The following VPS4A variants were observed in gnomAD, a reference collection of about 807,000 sequenced individuals.
VPS4A encodes the protein vacuolar protein sorting-associated protein 4A.
A neutral mutation model predicts 52.3 loss-of-function variants in VPS4A; 20 were observed. That is an observed-to-expected ratio of 0.38 (90% CI 0.27 to 0.56). VPS4A has a LOEUF of 0.56. Among genes scored for constraint, VPS4A ranks in the 20% least tolerant of loss-of-function variants. The probability of loss-of-function intolerance (pLI) is 0.72; values close to 1 mark genes in which losing one functional copy is unlikely to be tolerated. For synonymous variants in VPS4A, 293 were observed against 227.7 expected, an observed-to-expected ratio of 1.29 and a Z score of -2.58; for missense variants, 419 against 575.9, an observed-to-expected ratio of 0.73 and a Z score of 2.79.
chr16:69,323,487 G>C, intron 10 of VPS4A: 1 of 357,868 alleles, frequency 2.8e-6, no homozygotes, highest in South Asian at 2.1e-5. Flanking sequence ...GTAAAGTCAG[G>C]TCCAGATAAT....
At chr16:69,315,924 G>C in intron 1 of VPS4A, 84 bp from the exon 2 acceptor site, 1 of 1,180,268 alleles carries the variant, frequency 8.5e-7, no homozygotes, top group Admixed American at 2.0e-5. Context: ...GGCATCCCTC[G>C]TCACGTTTCA....
rs545377849 is a variant in VPS4A, at chr16:69,322,616, A to G, written c.1128A>G (p.Pro376=). Residue 376 remains proline, a synonymous_variant, in exon 10 of 11, where the codon CCA becomes CCG. Coordinates refer to ENST00000254950, the MANE Select transcript of VPS4A (RefSeq NM_013245.3). ...TGATGATTGATGACCTCCTGACTCC[A>G]TGCTCACCAGGGGACCCAGGAGCCA... ...PSMMIDDLLT[P]CSPGDPGAME... 2.5e-6 allele frequency: 4 copies of G among 1,613,870 alleles called. No individual in the cohort carries two copies. Among genetic ancestry groups the G allele is most frequent in the South Asian group, 2.2e-5 (2 of 91,076 alleles).
intron 3 of VPS4A, among the ~76,000 whole-genome samples, chr16:69,316,839 G>A (rs1211300806): frequency 2.6e-5 from 4 of 152,206 alleles, no homozygotes; most frequent in African/African-American, 4.8e-5. Context: ...CAGGTGGGGC[G>A]GCCGGCTCGG....
In VPS4A at chr16:69,319,798, G is replaced by A. The variant is rs148701391; in HGVS notation, c.620+255G>A. Reference sequence around the variant, plus strand: ...AGGATATTTTTGGGGTCTGGGTTGCGGTCCCTGTTGGGGCAGTGTGTGGGG... The same window carrying A: ...AGGATATTTTTGGGGTCTGGGTTGCAGTCCCTGTTGGGGCAGTGTGTGGGG... On this transcript the variant is annotated intron_variant, in intron 6 of 10. Transcript: ENST00000254950. Among the ~76,000 whole-genome samples, 54 of 152,318 alleles carry A rather than the reference G, an allele frequency of 3.5e-4. No homozygotes were observed. In the East Asian group the frequency reaches 5.8e-3, roughly 16 times the overall value.
At chr16:69,316,532 T>G (rs1376544827) in intron 3 of VPS4A, among the ~76,000 whole-genome samples, 160 bp downstream of exon 3, 3 of 152,122 alleles carry the variant, frequency 2.0e-5, no homozygotes, top group Non-Finnish European at 4.4e-5. Flanking sequence ...CCTGGAGCAC[T>G]TCCATGTTCA....
intron 10 of VPS4A, among the ~76,000 whole-genome samples, chr16:69,323,943 C>CAAAAAA (rs143292768): frequency 0.011 from 1,161 of 108,458 alleles, 66 homozygotes; most frequent in South Asian, 0.073. Context: ...GACTCCGTCT[C>CAAAAAA]CAAAAAAAAA....
At chr16:69,324,050 G>A (rs1965551541) in intron 10 of VPS4A, among the ~76,000 whole-genome samples, 158 bp from the exon 11 acceptor site, 2 of 152,146 alleles carry the variant, frequency 1.3e-5, no homozygotes, top group Non-Finnish European at 2.9e-5. Flanking sequence ...TGCCTCGAGA[G>A]GGAAGAGGGT....
At chr16:69,317,621 G>A (rs1965453810) in intron 3 of VPS4A, among the ~76,000 whole-genome samples, 1 of 152,096 alleles carries the variant, frequency 6.6e-6, no homozygotes, top group South Asian at 2.1e-4. Context: ...GTGAAACCCC[G>A]TCTCCACTAA....
At chr16:69,316,864 C>A (rs986262762) in intron 3 of VPS4A, among the ~76,000 whole-genome samples, 1 of 152,222 alleles carries the variant, frequency 6.6e-6, no homozygotes, top group Non-Finnish European at 1.5e-5. Flanking sequence ...GGAGCCCTGC[C>A]GAGGTGGCAC....
chr16:69,321,771 T>G lies in VPS4A; in HGVS notation c.1071+501T>G. 1 of 178,600 alleles carries G rather than the reference T, an allele frequency of 5.6e-6. No homozygotes were observed. The highest frequency in any genetic ancestry group is 1.5e-4 in the East Asian group (1 of 6,596). 11.1% of individuals were successfully genotyped at this position (178,600 alleles called of 1,614,324 possible). A position where few individuals can be genotyped will look rare whatever the true frequency, so the allele number is the denominator to read the frequency against. ...AGACAGTCAACACAGTCAGTGAGTG[T>G]CTCAGAGGATGGAGATGGAGCAGGG... On this transcript the variant is annotated intron_variant, in intron 9 of 10. Coordinates refer to ENST00000254950, the MANE Select transcript of VPS4A (RefSeq NM_013245.3). The surrounding 1 kb of genome is among the most constrained non-coding windows in gnomAD (Gnocchi z 4.5).
chr16:69,319,017 G>C, intron 5 of VPS4A, 75 bp downstream of exon 5: 1 of 1,564,626 alleles, frequency 6.4e-7, no homozygotes, highest in African/African-American at 1.4e-5. Flanking sequence ...GAGGCACCCG[G>C]GAGTCAGTGG....
chr16:69,319,370 G>A lies in VPS4A; in HGVS notation c.464-17G>A, dbSNP rs1318106571. On this transcript the variant is annotated splice_polypyrimidine_tract_variant and intron_variant, in intron 5 of 10. Transcript: ENST00000254950. ...TCCCCAGTCAGGAGGCCTAACTTCTGTGGTTCTCTGTTGCAGGCAAGCGCA... is the reference window on the plus strand; with the variant it reads ...TCCCCAGTCAGGAGGCCTAACTTCTATGGTTCTCTGTTGCAGGCAAGCGCA... 1 of 1,613,320 alleles carries A rather than the reference G, an allele frequency of 6.2e-7. No homozygotes were observed. The highest frequency in any genetic ancestry group is 8.5e-7 in the Non-Finnish European group (1 of 1,179,532).
chr16:69,320,955 A>C lies in VPS4A; in HGVS notation c.852-96A>C. 1.5e-6 allele frequency: 2 copies of C among 1,350,904 alleles called. No homozygotes were observed. Among genetic ancestry groups the C allele is most frequent in the Admixed American group, 4.0e-5 (2 of 49,828 alleles). 83.7% of individuals were successfully genotyped at this position (1,350,904 alleles called of 1,614,324 possible). A position where few individuals can be genotyped will look rare whatever the true frequency, so the allele number is the denominator to read the frequency against. On this transcript the variant is annotated intron_variant, in intron 8 of 10. Coordinates refer to ENST00000254950, the MANE Select transcript of VPS4A (RefSeq NM_013245.3). This position sits in a 1 kb window ranked among gnomAD's most constrained non-coding sequence, Gnocchi z 4.2. ...GTGCCGCCAGCATCACTGGCCCATGAAATGCGTCCGTTTCACTCAAATCTT... is the reference window on the plus strand; with the variant it reads ...GTGCCGCCAGCATCACTGGCCCATGCAATGCGTCCGTTTCACTCAAATCTT...
At chr16:69,323,943 CCAAAAAAAAA>C (rs1300266507) in intron 10 of VPS4A, among the ~76,000 whole-genome samples, 1 of 108,682 alleles carries the variant, frequency 9.2e-6, no homozygotes, top group Non-Finnish European at 1.8e-5. Context: ...GACTCCGTCT[CCAAAAAAAAA>C]AAAAAAAAAA....
chr16:69,315,536 G>C (rs1260135345), intron 1 of VPS4A, among the ~76,000 whole-genome samples: 3 of 152,206 alleles, frequency 2.0e-5, no homozygotes, highest in Non-Finnish European at 4.4e-5. Flanking sequence ...GTGCAAACTT[G>C]CAGTCCGGGC....
chr16:69,319,990 C>G, intron 6 of VPS4A, 151 bp from the exon 7 acceptor site: 1 of 1,069,840 alleles, frequency 9.3e-7, no homozygotes, highest in Non-Finnish European at 1.3e-6. Flanking sequence ...GCAGTGTGGC[C>G]CGAGGGCTCC....
At chr16:69,323,969 AG>A (rs1965550427) in intron 10 of VPS4A, among the ~76,000 whole-genome samples, 17 of 150,330 alleles carry the variant, frequency 1.1e-4, no homozygotes, top group Non-Finnish European at 2.4e-4. Flanking sequence ...AAAAAAAGAA[AG>A]CAAGTTCGTA....
chr16:69,317,313 G>A (rs1360189424), intron 3 of VPS4A, among the ~76,000 whole-genome samples: 2 of 152,072 alleles, frequency 1.3e-5, no homozygotes, highest in Admixed American at 6.5e-5. Flanking sequence ...TCTGTCCTTC[G>A]GCAGTGGCTG....
At chr16:69,314,326 G>A (rs1250900815) in intron 1 of VPS4A, among the ~76,000 whole-genome samples, 2 of 152,080 alleles carry the variant, frequency 1.3e-5, no homozygotes, top group African/African-American at 4.8e-5. Context: ...ATGGGTCAGT[G>A]CTGCTCCTTA....
Sources: gnomAD v4.1 joint callset for allele counts (sites outside exome capture counted in the v4.1 genomes callset) on GRCh38, gnomAD v4.1.1 for gene constraint, Gnocchi (gnomAD v3.1) non-coding constraint, MANE v1.5 for transcripts, NCBI Gene and HGNC (gene_info 2026-07-23, HGNC 2026-07-21) for gene names.